Variants in IGFBP7 observed in about 807,000 individuals in gnomAD.
IGFBP7 encodes insulin like growth factor binding protein 7.
In IGFBP7, 31 loss-of-function variants were observed where a neutral mutation model predicts 29.4. The observed-to-expected ratio is 1.05, with a 90% CI of 0.79 to 1.42. IGFBP7 has a LOEUF of 1.42. Ranked by LOEUF, IGFBP7 falls within the 40% of genes most tolerant of loss-of-function variation. IGFBP7 has a pLI of 0.00. For missense variants in IGFBP7, 393 were observed against 395.5 expected (o/e 0.99, Z 0.05); for synonymous variants, 172 against 174.9 (o/e 0.98, Z 0.13).
intron 1 of IGFBP7, among the ~76,000 whole-genome samples, chr4:57,058,597 T>C (rs920357139): frequency 6.6e-6 from 1 of 152,084 alleles, no homozygotes; most frequent in African/African-American, 2.4e-5. Flanking sequence ...AAAAATTAAC[T>C]CAAGATGGAT....
intron 1 of IGFBP7, among the ~76,000 whole-genome samples, chr4:57,082,781 C>A (rs567004032): frequency 1.3e-5 from 2 of 151,858 alleles, no homozygotes; most frequent in Non-Finnish European, 2.9e-5. Flanking sequence ...AAATTTCATA[C>A]CTATTAACAT....
intron 1 of IGFBP7, among the ~76,000 whole-genome samples, chr4:57,064,792 A>G (rs1437885085): frequency 6.6e-6 from 1 of 152,268 alleles, no homozygotes; most frequent in East Asian, 1.9e-4. Flanking sequence ...TCATTCCTAG[A>G]TAACGGCAGA....
At chr4:57,058,642 G>A (rs1396783033) in intron 1 of IGFBP7, among the ~76,000 whole-genome samples, 3 of 152,028 alleles carry the variant, frequency 2.0e-5, no homozygotes, top group African/African-American at 7.2e-5. Context: ...AACTATAAAA[G>A]CCCTGGAAGA....
At chr4:57,038,909 A>G (rs1018835365) in intron 2 of IGFBP7, among the ~76,000 whole-genome samples, 3 of 151,974 alleles carry the variant, frequency 2.0e-5, no homozygotes, top group Non-Finnish European at 4.4e-5. Context: ...TCTACTGAAA[A>G]TACAAAGTTA....
At chr4:57,072,139 C>T (rs947835141) in intron 1 of IGFBP7, among the ~76,000 whole-genome samples, 1 of 152,046 alleles carries the variant, frequency 6.6e-6, no homozygotes, top group Non-Finnish European at 1.5e-5. Context: ...CTGCTCCTCT[C>T]CCTCCTCCCA....
intron 1 of IGFBP7, among the ~76,000 whole-genome samples, chr4:57,079,454 C>T (rs1156608655): frequency 2.0e-5 from 3 of 152,194 alleles, no homozygotes; most frequent in Admixed American, 1.3e-4. Flanking sequence ...CACATTAACA[C>T]GGTCCTCCTT....
chr4:57,050,267 CAG>C (rs1224309251), intron 1 of IGFBP7, among the ~76,000 whole-genome samples: 1 of 140,822 alleles, frequency 7.1e-6, no homozygotes, highest in Non-Finnish European at 1.5e-5. Context: ...TTTTTTGAGA[CAG>C]AGTTTCGCTC....
chr4:57,083,987 T>C (rs1725435971), intron 1 of IGFBP7, among the ~76,000 whole-genome samples: 1 of 152,232 alleles, frequency 6.6e-6, no homozygotes, highest in African/African-American at 2.4e-5. Flanking sequence ...CATTACTTTG[T>C]GTGAAAAGCA....
chr4:57,033,941 C>T (rs1406672651), intron 2 of IGFBP7, among the ~76,000 whole-genome samples: 2 of 150,378 alleles, frequency 1.3e-5, no homozygotes, highest in African/African-American at 2.4e-5. Flanking sequence ...GTCCCAGCTA[C>T]TCTGGAGGCT....
At chr4:57,098,572 A>C (rs1725819201) in intron 1 of IGFBP7, among the ~76,000 whole-genome samples, 1 of 152,336 alleles carries the variant, frequency 6.6e-6, no homozygotes, top group East Asian at 1.9e-4. Flanking sequence ...GATCTGAGAC[A>C]CAACAGAGCA....
At chr4:57,042,038 G>T (rs1169990675) in intron 1 of IGFBP7, among the ~76,000 whole-genome samples, 1 of 152,190 alleles carries the variant, frequency 6.6e-6, no homozygotes. Context: ...ATTGGCAAGT[G>T]GGGGGCACCC....
chr4:57,089,823 C>T (rs1012764339), intron 1 of IGFBP7, among the ~76,000 whole-genome samples: 2 of 152,196 alleles, frequency 1.3e-5, no homozygotes, highest in African/African-American at 4.8e-5. Flanking sequence ...ATTTGCTCAC[C>T]TGATATAATG....
intron 1 of IGFBP7, among the ~76,000 whole-genome samples, chr4:57,054,756 C>A (rs916837402): frequency 6.6e-6 from 1 of 151,918 alleles, no homozygotes; most frequent in African/African-American, 2.4e-5. Context: ...GCTAAACCTC[C>A]TCCTGAAAAC....
intron 1 of IGFBP7, among the ~76,000 whole-genome samples, chr4:57,087,845 A>AT (rs2109792073): frequency 6.6e-6 from 1 of 152,352 alleles, no homozygotes; most frequent in African/African-American, 2.4e-5. Flanking sequence ...TGTGCCAATG[A>AT]TCACTGTTAG....
chr4:57,094,008 GT>G (rs958275699), intron 1 of IGFBP7, among the ~76,000 whole-genome samples: 24 of 152,240 alleles, frequency 1.6e-4, no homozygotes, highest in African/African-American at 5.8e-4. Context: ...TGAGGGGTGT[GT>G]GTGTGCATTC....
intron 3 of IGFBP7, 38 bp from the exon 4 acceptor site, chr4:57,032,590 G>T: frequency 6.6e-7 from 1 of 1,519,898 alleles, no homozygotes; most frequent in Non-Finnish European, 9.1e-7. Flanking sequence ...CTCTGTGGTG[G>T]TCTTCTCTTT....
At chr4:57,087,860 T>C (rs1578644247) in intron 1 of IGFBP7, among the ~76,000 whole-genome samples, 1 of 152,330 alleles carries the variant, frequency 6.6e-6, no homozygotes, top group East Asian at 1.9e-4. Flanking sequence ...TGTTAGTCAA[T>C]GTATAGTCAG....
chr4:57,077,127 A>C (rs371510006), intron 1 of IGFBP7, among the ~76,000 whole-genome samples: 1 of 88,960 alleles, frequency 1.1e-5, no homozygotes, highest in Non-Finnish European at 2.5e-5. Context: ...AAACAGAAAA[A>C]CAAAAAACAA....
At chr4:57,047,307 G>A (rs1724386766) in intron 1 of IGFBP7, among the ~76,000 whole-genome samples, 1 of 152,206 alleles carries the variant, frequency 6.6e-6, no homozygotes, top group Admixed American at 6.5e-5. Context: ...ATGTGACTTT[G>A]CTCCTCCTTC....
Sources: allele counts gnomAD v4.1 joint callset (sites outside exome capture counted in the v4.1 genomes callset), GRCh38; gene constraint gnomAD v4.1.1; transcripts MANE v1.5; gene names NCBI Gene and HGNC (gene_info 2026-07-23, HGNC 2026-07-21).